The following NCKAP5 variants were observed in gnomAD, a reference collection of about 807,000 sequenced individuals.
NCKAP5 encodes NCK associated protein 5.
Under a neutral mutation model 167.0 loss-of-function variants are expected in NCKAP5, and 92 were observed. That is an observed-to-expected ratio of 0.55 (90% CI 0.47 to 0.66). NCKAP5 has a LOEUF of 0.66. Ranked by LOEUF, NCKAP5 falls within the 30% of genes least tolerant of loss-of-function variation. The probability of loss-of-function intolerance (pLI) is 0.00; values close to 1 mark genes in which losing one functional copy is unlikely to be tolerated. For missense variants in NCKAP5, 2,378 were observed against 2,315.0 expected (o/e 1.03, Z -0.56); for synonymous variants, 891 against 877.4 (o/e 1.02, Z -0.27).
chr2:133,275,804 G>C (rs78539585), intron 4 of NCKAP5, among the ~76,000 whole-genome samples: 2,664 of 151,692 alleles, frequency 0.018, 34 homozygotes, highest in Non-Finnish European at 0.025. Flanking sequence ...TCAGAATCTA[G>C]TTGCCTTTCT....
chr2:133,511,800 C>G (rs897255275), intron 3 of NCKAP5, among the ~76,000 whole-genome samples: 1 of 152,194 alleles, frequency 6.6e-6, no homozygotes, highest in Admixed American at 6.5e-5. Context: ...TGACTTGATG[C>G]TCATTTGGGA....
At chr2:132,907,645 T>C (rs746666458) in intron 8 of NCKAP5, among the ~76,000 whole-genome samples, 19 of 152,258 alleles carry the variant, frequency 1.2e-4, no homozygotes, top group Middle Eastern at 3.4e-3. Flanking sequence ...AACATCTCAG[T>C]TAATGTAATC....
At chr2:133,583,917 C>T in the NCKAP5 span, among the ~76,000 whole-genome samples, 1 of 152,210 alleles carries the variant, frequency 6.6e-6, no homozygotes, top group South Asian at 2.1e-4. Context: ...CCATGCCTGG[C>T]TAATTGTTTT....
At position 132,761,265 on chromosome 2, in the gene NCKAP5, C is replaced by G. The variant is rs541312913; in HGVS notation, c.5128+12551G>C. On this transcript the variant is annotated intron_variant, in intron 16 of 19. Transcript: ENST00000409261. ...CAATTTAGCTCCTTAAAACCAGGTT[C>G]TGGGTAGGGTGAATGGTGGGGATTT... Among the ~76,000 whole-genome samples the G allele has an allele frequency of 2.6e-5, 4 of 151,618 alleles. No individual in the cohort carries two copies. In the South Asian group the frequency reaches 8.3e-4, roughly 32 times the overall value.
chr2:132,808,209 C>T (rs1685581039), intron 11 of NCKAP5, among the ~76,000 whole-genome samples: 1 of 151,988 alleles, frequency 6.6e-6, no homozygotes, highest in Non-Finnish European at 1.5e-5. Context: ...GGATATTGGT[C>T]TGTAGTTTTC....
chr2:133,159,732 A>G (rs561667876), intron 5 of NCKAP5, among the ~76,000 whole-genome samples: 3 of 152,344 alleles, frequency 2.0e-5, no homozygotes, highest in Admixed American at 6.5e-5. Flanking sequence ...TTGAATAAAG[A>G]TGTTAGATTT....
intron 8 of NCKAP5, among the ~76,000 whole-genome samples, chr2:132,941,173 A>G (rs1243692451): frequency 1.3e-5 from 2 of 152,198 alleles, no homozygotes; most frequent in Non-Finnish European, 2.9e-5. Context: ...CTCCAAATCA[A>G]AAGGCTATTT....
At chr2:133,640,933 A>G in the NCKAP5 span, among the ~76,000 whole-genome samples, 6 of 152,204 alleles carry the variant, frequency 3.9e-5, no homozygotes, top group Non-Finnish European at 7.3e-5. Flanking sequence ...TTTTATCATA[A>G]CACTTTTTAC....
intron 3 of NCKAP5, among the ~76,000 whole-genome samples, chr2:133,335,780 C>T (rs977335100): frequency 2.0e-5 from 3 of 152,088 alleles, no homozygotes; most frequent in Non-Finnish European, 4.4e-5. Flanking sequence ...TTAAGAATTG[C>T]TTTGCTAAGT....
intron 6 of NCKAP5, among the ~76,000 whole-genome samples, chr2:133,115,911 T>C (rs2082067201): frequency 6.7e-6 from 1 of 150,166 alleles, no homozygotes; most frequent in African/African-American, 2.4e-5. Flanking sequence ...TTGTTTTACA[T>C]GAAAACAAGA....
chr2:132,868,275 C>A (rs915996129), intron 10 of NCKAP5, among the ~76,000 whole-genome samples: 17 of 152,074 alleles, frequency 1.1e-4, no homozygotes, highest in African/African-American at 3.9e-4. Context: ...CCATAAAATT[C>A]ACTGAAATAG....
chr2:133,493,260 AG>A (rs1575055862), intron 3 of NCKAP5, among the ~76,000 whole-genome samples: 1 of 152,224 alleles, frequency 6.6e-6, no homozygotes, highest in African/African-American at 2.4e-5. Context: ...GATGTATAAC[AG>A]TTGACAGGCA....
chr2:133,458,594 G>A (rs765478288), intron 3 of NCKAP5, among the ~76,000 whole-genome samples: 41 of 152,134 alleles, frequency 2.7e-4, no homozygotes, highest in Non-Finnish European at 5.0e-4. Flanking sequence ...TTTGGATTCT[G>A]AGTGTCACCT....
intron 6 of NCKAP5, among the ~76,000 whole-genome samples, chr2:133,035,540 T>C (rs900516870): frequency 2.0e-5 from 3 of 151,880 alleles, no homozygotes; most frequent in South Asian, 2.1e-4. Context: ...CACTCAAAAA[T>C]TGAAATAATA....
intron 11 of NCKAP5, among the ~76,000 whole-genome samples, chr2:132,830,098 G>A (rs906405110): frequency 6.6e-6 from 1 of 152,122 alleles, no homozygotes; most frequent in Non-Finnish European, 1.5e-5. Flanking sequence ...TCTACCAACC[G>A]AAGCAGAGGA....
intron 11 of NCKAP5, among the ~76,000 whole-genome samples, chr2:132,811,764 CCCT>C (rs1285008246): frequency 3.3e-5 from 5 of 152,134 alleles, no homozygotes; most frequent in Admixed American, 2.0e-4. Context: ...CAGATTTGTG[CCCT>C]CCTCTGAGTT....
chr2:132,851,582 C>G (rs964005079), intron 11 of NCKAP5, among the ~76,000 whole-genome samples: 4 of 152,290 alleles, frequency 2.6e-5, no homozygotes, highest in Admixed American at 2.6e-4. Context: ...CTGCAGTTCT[C>G]TTCCCAAGGA....
rs1241972945 is a variant in NCKAP5 at position 133,264,465 on chromosome 2, T to A, written c.143+38572A>T. On this transcript the variant is annotated intron_variant, in intron 4 of 19. Coordinates refer to ENST00000409261, the MANE Select transcript of NCKAP5 (RefSeq NM_207363.3). ...AGCTGTAATGGGGGCTTTAAAATGC[T>A]GAAACCCATTTGGGTCTTGTCTTTG... is the stretch of plus-strand genomic sequence containing the variant. Among the ~76,000 whole-genome samples, 7 of 152,316 alleles carry A rather than the reference T, an allele frequency of 4.6e-5. No individual in the cohort carries two copies. In the East Asian group the frequency reaches 1.4e-3, roughly 29 times the overall value.
chr2:132,911,097 G>C, intron 8 of NCKAP5: 1 of 214,056 alleles, frequency 4.7e-6, no homozygotes, highest in Non-Finnish European at 1.0e-5. Flanking sequence ...TTTGTTGCTA[G>C]AGAATACTGT....
Sources: allele counts gnomAD v4.1 joint callset (sites outside exome capture counted in the v4.1 genomes callset), GRCh38; gene constraint gnomAD v4.1.1; transcripts MANE v1.5; gene names NCBI Gene and HGNC (gene_info 2026-07-23, HGNC 2026-07-21).